MLLT3: variants seen among roughly 807,000 people sequenced by gnomAD.
MLLT3 encodes the protein protein AF-9.
In MLLT3, 4 loss-of-function variants were observed where a neutral mutation model predicts 53.2. That is an observed-to-expected ratio of 0.08 (90% CI 0.04 to 0.17). MLLT3 has a LOEUF of 0.17. MLLT3 is among the 10% of genes least tolerant of loss of function. MLLT3 has a pLI of 1.00. For synonymous variants in MLLT3, 283 were observed against 230.6 expected (o/e 1.23, Z -2.06); for missense variants, 569 against 684.0 (o/e 0.83, Z 1.87).
At chr9:20,443,056 T>C (rs1020725450) in intron 4 of MLLT3, among the ~76,000 whole-genome samples, 1 of 151,972 alleles carries the variant, frequency 6.6e-6, no homozygotes, top group African/African-American at 2.4e-5. Flanking sequence ...GAAATAGGAC[T>C]GAACAACATG....
chr9:20,446,341 A>G (rs1269842483), intron 4 of MLLT3, among the ~76,000 whole-genome samples: 1 of 152,204 alleles, frequency 6.6e-6, no homozygotes, highest in African/African-American at 2.4e-5. Flanking sequence ...AGAAGTCAAG[A>G]AGAATCATTC....
intron 4 of MLLT3, among the ~76,000 whole-genome samples, chr9:20,440,022 C>T (rs1300525467): frequency 6.6e-6 from 1 of 152,044 alleles, no homozygotes; most frequent in African/African-American, 2.4e-5. Flanking sequence ...TTCCAGATAA[C>T]AGAAAATTAT....
intron 4 of MLLT3, among the ~76,000 whole-genome samples, chr9:20,428,028 A>G (rs1489112803): frequency 6.6e-6 from 1 of 152,106 alleles, no homozygotes; most frequent in Non-Finnish European, 1.5e-5. Flanking sequence ...CCAACTTTGC[A>G]ATAACTGATA....
intron 2 of MLLT3, among the ~76,000 whole-genome samples, chr9:20,521,806 C>T (rs894460961): frequency 6.6e-6 from 1 of 152,014 alleles, no homozygotes; most frequent in Non-Finnish European, 1.5e-5. Flanking sequence ...GCAATTAAGA[C>T]CAGCTAGAAC....
intron 3 of MLLT3, among the ~76,000 whole-genome samples, chr9:20,451,438 T>C (rs954298373): frequency 6.6e-6 from 1 of 152,136 alleles, no homozygotes; most frequent in African/African-American, 2.4e-5. Context: ...TACAACAGTC[T>C]AAAACAGAAC....
intron 5 of MLLT3, among the ~76,000 whole-genome samples, chr9:20,385,539 T>A (rs893492194): frequency 2.6e-5 from 4 of 152,282 alleles, no homozygotes; most frequent in Admixed American, 1.3e-4. Flanking sequence ...TAACAAAATG[T>A]CTGTTTTTGG....
intron 5 of MLLT3, among the ~76,000 whole-genome samples, chr9:20,400,794 T>A (rs1019836618): frequency 1.3e-5 from 2 of 152,166 alleles, no homozygotes; most frequent in East Asian, 3.8e-4. Flanking sequence ...TGCTGCAGTT[T>A]TGAAACTATG....
chr9:20,575,779 A>G (rs142750382), intron 2 of MLLT3, among the ~76,000 whole-genome samples: 2 of 152,372 alleles, frequency 1.3e-5, no homozygotes, highest in Non-Finnish European at 1.5e-5. Context: ...TTCCATTTAT[A>G]GAGCACAGGC....
intron 5 of MLLT3, among the ~76,000 whole-genome samples, chr9:20,401,490 A>G (rs956717839): frequency 2.1e-4 from 32 of 152,276 alleles, no homozygotes; most frequent in African/African-American, 7.7e-4. Context: ...CAGGATCAGC[A>G]TGGCAGCTCT....
intron 2 of MLLT3, among the ~76,000 whole-genome samples, chr9:20,548,717 A>G (rs1818851674): frequency 6.6e-6 from 1 of 152,222 alleles, no homozygotes. Context: ...AAGGAGCTGC[A>G]AAAAGAATAA....
At chr9:20,619,976 C>T (rs1820951513) in intron 2 of MLLT3, among the ~76,000 whole-genome samples, 2 of 152,124 alleles carry the variant, frequency 1.3e-5, no homozygotes, top group Non-Finnish European at 2.9e-5. Flanking sequence ...CACTTTGGAA[C>T]GTTGCTCAGA....
At chr9:20,387,712 T>C (rs781046894) in intron 5 of MLLT3, among the ~76,000 whole-genome samples, 10 of 152,338 alleles carry the variant, frequency 6.6e-5, no homozygotes, top group Non-Finnish European at 1.5e-4. Flanking sequence ...CAATAAAATA[T>C]AATAAATTAC....
chr9:20,460,332 A>C (rs1824076860), intron 2 of MLLT3, among the ~76,000 whole-genome samples: 1 of 152,250 alleles, frequency 6.6e-6, no homozygotes, highest in Non-Finnish European at 1.5e-5. Flanking sequence ...CTGAATGAAT[A>C]TTCACCTTTA....
chr9:20,493,697 A>G (rs1825009544), intron 2 of MLLT3, among the ~76,000 whole-genome samples: 1 of 152,112 alleles, frequency 6.6e-6, no homozygotes, highest in South Asian at 2.1e-4. Context: ...ACCCCAAAAC[A>G]TGTATAATTA....
At chr9:20,498,394 C>T (rs1173281276) in intron 2 of MLLT3, among the ~76,000 whole-genome samples, 1 of 151,892 alleles carries the variant, frequency 6.6e-6, no homozygotes, top group East Asian at 1.9e-4. Context: ...CTTATGATGT[C>T]GAGTATCTTT....
intron 2 of MLLT3, among the ~76,000 whole-genome samples, chr9:20,545,096 C>CAAAAAA (rs60850984): frequency 6.2e-5 from 3 of 48,078 alleles, no homozygotes; most frequent in African/African-American, 1.6e-4. Context: ...CCTATCTCTA[C>CAAAAAA]AAAAAAAAAA....
At chr9:20,423,681 G>A (rs2118798772) in intron 4 of MLLT3, among the ~76,000 whole-genome samples, 1 of 151,816 alleles carries the variant, frequency 6.6e-6, no homozygotes, top group Non-Finnish European at 1.5e-5. Flanking sequence ...AGGCGTAGTG[G>A]CATGTGCCTG....
At chr9:20,439,607 G>C (rs1586950234) in intron 4 of MLLT3, among the ~76,000 whole-genome samples, 2 of 152,064 alleles carry the variant, frequency 1.3e-5, no homozygotes, top group Non-Finnish European at 2.9e-5. Context: ...GTGGGGGGAT[G>C]GCGGAGAAAG....
chr9:20,546,586 G>A (rs1818794806), intron 2 of MLLT3, among the ~76,000 whole-genome samples: 1 of 152,020 alleles, frequency 6.6e-6, no homozygotes, highest in Non-Finnish European at 1.5e-5. Context: ...AGACGAACCT[G>A]TGTATGGTAG....
Sources: allele counts gnomAD v4.1 joint callset (sites outside exome capture counted in the v4.1 genomes callset), GRCh38; gene constraint gnomAD v4.1.1; transcripts MANE v1.5; gene names NCBI Gene and HGNC (gene_info 2026-07-23, HGNC 2026-07-21).